The following SORBS2 variants were observed in gnomAD, a reference collection of about 807,000 sequenced individuals.
SORBS2 encodes the protein sorbin and SH3 domain containing 2.
In SORBS2, 46 loss-of-function variants were observed where a neutral mutation model predicts 97.7. The ratio of observed to expected loss-of-function variants is 0.47; its 90% CI spans 0.37 to 0.60. The LOEUF (loss-of-function observed/expected upper bound fraction) is 0.60. Among genes scored for constraint, SORBS2 ranks in the 20% least tolerant of loss-of-function variants. The probability of loss-of-function intolerance (pLI) is 0.00; values close to 1 mark genes in which losing one functional copy is unlikely to be tolerated. For missense variants in SORBS2, 1,316 were observed against 1,282.3 expected (o/e 1.03, Z -0.40); for synonymous variants, 476 against 473.4 (o/e 1.01, Z -0.07).
chr4:185,842,761 C>T (rs2153678017), intron 1 of SORBS2, among the ~76,000 whole-genome samples: 1 of 151,784 alleles, frequency 6.6e-6, no homozygotes, highest in African/African-American at 2.4e-5. Context: ...ATGGTGAAAC[C>T]CTGTCTCTAC....
chr4:185,646,405 G>C (rs999034562), intron 4 of SORBS2: 3 of 315,606 alleles, frequency 9.5e-6, no homozygotes, highest in Non-Finnish European at 1.7e-5. Flanking sequence ...ATATACACCT[G>C]CATGTGTGTG....
chr4:185,888,994 C>T (rs2099241105), intron 1 of SORBS2, among the ~76,000 whole-genome samples: 2 of 152,246 alleles, frequency 1.3e-5, no homozygotes, highest in Non-Finnish European at 1.5e-5. Flanking sequence ...CTCCAGCAGG[C>T]GACTGCTGTC....
intron 2 of SORBS2, among the ~76,000 whole-genome samples, chr4:185,717,797 A>G (rs1270012744): frequency 6.6e-6 from 1 of 152,214 alleles, no homozygotes; most frequent in Non-Finnish European, 1.5e-5. Flanking sequence ...TAAAAGTCAC[A>G]ATCTGGGTTT....
At chr4:185,700,999 A>G (rs563361184) in intron 2 of SORBS2, among the ~76,000 whole-genome samples, 24 of 152,360 alleles carry the variant, frequency 1.6e-4, no homozygotes, top group Non-Finnish European at 3.5e-4. Context: ...GCTTATTTGA[A>G]CAAAGTTTTT....
chr4:185,953,277 G>A (rs1258243698), intron 1 of SORBS2, among the ~76,000 whole-genome samples: 2 of 152,186 alleles, frequency 1.3e-5, no homozygotes, highest in Non-Finnish European at 2.9e-5. Flanking sequence ...TTGCGCCACC[G>A]CACTCCAGCC....
intron 1 of SORBS2, chr4:185,918,008 T>A (rs565980622): frequency 3.8e-4 from 58 of 152,152 alleles, no homozygotes; most frequent in African/African-American, 1.4e-3. Flanking sequence ...ATAACGGAAA[T>A]AAAGGAGAAA....
chr4:185,759,741 G>A (rs2098857198), intron 2 of SORBS2, among the ~76,000 whole-genome samples: 1 of 152,108 alleles, frequency 6.6e-6, no homozygotes, highest in Admixed American at 6.6e-5. Context: ...GATAAATGGT[G>A]ATGTTTTAGA....
At chr4:185,630,360 T>A (rs1030648162) in intron 5 of SORBS2, among the ~76,000 whole-genome samples, 189 bp downstream of exon 17, 3 of 152,124 alleles carry the variant, frequency 2.0e-5, no homozygotes, top group African/African-American at 7.2e-5. Flanking sequence ...GTTCACTAAT[T>A]TTTTAGAAAT....
rs1037364337 is a variant in SORBS2 at position 185,633,955 on chromosome 4, T to A, written c.397-3357A>T. ...TTCTTGGGTTGTTCATATGTTGAAA[T>A]AAGACTCTTTCTGCAGATATTAAGG... On this transcript the variant is annotated intron_variant, in intron 4 of 14. Transcript: ENST00000418609. Among the ~76,000 whole-genome samples, 8 of 152,168 alleles carry A rather than the reference T, an allele frequency of 5.3e-5. 1 individual carries two copies. The highest frequency in any genetic ancestry group is 1.0e-4 in the Non-Finnish European group (7 of 68,004).
intron 1 of SORBS2, among the ~76,000 whole-genome samples, chr4:185,904,533 G>A (rs914705002): frequency 4.6e-5 from 7 of 152,136 alleles, no homozygotes; most frequent in South Asian, 4.1e-4. Flanking sequence ...TCTCAAAGGC[G>A]GTTAGGAACA....
intron 1 of SORBS2, among the ~76,000 whole-genome samples, chr4:185,790,210 T>G (rs1466808882): frequency 6.6e-6 from 1 of 152,130 alleles, no homozygotes; most frequent in Non-Finnish European, 1.5e-5. Context: ...GAAAAAAAAT[T>G]GTTAAACTAC....
intron 4 of SORBS2, chr4:185,645,736 A>C (rs1050227239): frequency 1.3e-5 from 2 of 152,176 alleles, no homozygotes; most frequent in African/African-American, 2.4e-5. Context: ...TTAAAGCAAA[A>C]ATGAGAGTAA....
chr4:185,827,890 G>A (rs796965053), intron 1 of SORBS2, among the ~76,000 whole-genome samples: 21 of 131,002 alleles, frequency 1.6e-4, no homozygotes, highest in African/African-American at 3.3e-4. Flanking sequence ...CATCATCAGC[G>A]TCACCATCAT....
intron 12 of SORBS2, among the ~76,000 whole-genome samples, chr4:185,596,894 C>T (rs1214691266): frequency 6.6e-6 from 1 of 152,060 alleles, no homozygotes; most frequent in African/African-American, 2.4e-5. Context: ...TCTTTCAAAC[C>T]CTGCCCCTCT....
chr4:185,648,245 C>T (rs1561653105), intron 3 of SORBS2, among the ~76,000 whole-genome samples: 1 of 152,054 alleles, frequency 6.6e-6, no homozygotes, highest in Admixed American at 6.5e-5. Flanking sequence ...TGGCTGGGTG[C>T]AGTGACTCAC....
At chr4:185,916,710 G>C (rs182578457) in intron 1 of SORBS2, among the ~76,000 whole-genome samples, 88 of 152,288 alleles carry the variant, frequency 5.8e-4, no homozygotes, top group African/African-American at 2.1e-3. Context: ...AGGGAGGTGA[G>C]AACTGGCACC....
At chr4:185,778,116 G>A (rs1040623760) in intron 1 of SORBS2, among the ~76,000 whole-genome samples, 3 of 152,116 alleles carry the variant, frequency 2.0e-5, no homozygotes, top group African/African-American at 4.8e-5. Context: ...AATTTCACTT[G>A]TTTCTTTTTT....
At chr4:185,905,175 C>G (rs1174090571) in intron 1 of SORBS2, among the ~76,000 whole-genome samples, 1 of 152,084 alleles carries the variant, frequency 6.6e-6, no homozygotes, top group Admixed American at 6.6e-5. Context: ...GTCTGTCTTA[C>G]TCCAGTGGAG....
At chr4:185,925,733 A>T (rs1339239473) in intron 1 of SORBS2, among the ~76,000 whole-genome samples, 3 of 152,284 alleles carry the variant, frequency 2.0e-5, no homozygotes, top group East Asian at 3.9e-4. Flanking sequence ...GAAAGCACAC[A>T]AGATTACCTC....
Sources: gnomAD v4.1 joint callset for allele counts (sites outside exome capture counted in the v4.1 genomes callset) on GRCh38, gnomAD v4.1.1 for gene constraint, MANE v1.5 for transcripts, NCBI Gene and HGNC (gene_info 2026-07-23, HGNC 2026-07-21) for gene names.